The following NRXN1 variants were observed in gnomAD, a reference collection of about 807,000 sequenced individuals.
NRXN1 encodes neurexin 1.
NRXN1 carries 39 observed loss-of-function variants against 150.9 expected under a neutral mutation model. The ratio of observed to expected loss-of-function variants is 0.26; its 90% CI spans 0.20 to 0.34. The LOEUF is 0.34. NRXN1 is among the 10% of genes least tolerant of loss of function. The pLI, the probability that NRXN1 is intolerant of heterozygous loss-of-function variation, is 1.00. For synonymous variants in NRXN1, 924 were observed against 757.0 expected (o/e 1.22, Z -3.62); for missense variants, 1,815 against 1,949.9 (o/e 0.93, Z 1.30).
chr2:50,763,665 C>A (rs1460006582), intron 5 of NRXN1, among the ~76,000 whole-genome samples: 1 of 151,872 alleles, frequency 6.6e-6, no homozygotes, highest in African/African-American at 2.4e-5. Context: ...CAAAAGATTC[C>A]TCTTTCTAGC....
At position 50,538,542 on chromosome 2, in the gene NRXN1, C is replaced by T. The variant is rs2093319790; in HGVS notation, c.1854G>A (p.Leu618=). The part of the protein sequence containing the change: ...DLDDELYLGG[L]PENKAGLVFP... ...AGACAAGGCCAGCTTTATTTTCTGG[C>T]AGCCCCCCCAGGTACAACTCATCAT... is the stretch of plus-strand genomic sequence containing the variant. The change falls in exon 10 of 23, where the codon CTG becomes CTA. Residue 618 remains leucine, a synonymous_variant. Transcript: ENST00000401669. 1.3e-6 allele frequency: 2 copies of T among 1,585,860 alleles called. No homozygotes were observed. The highest frequency in any genetic ancestry group is 1.3e-5 in the African/African-American group (1 of 74,540).
At chr2:50,115,217 GTATATATA>G (rs35673922) in intron 18 of NRXN1, among the ~76,000 whole-genome samples, 3 of 134,922 alleles carry the variant, frequency 2.2e-5, no homozygotes, top group South Asian at 2.4e-4. Flanking sequence ...TATGTTATGT[GTATATATA>G]TATATATATA....
intron 19 of NRXN1, among the ~76,000 whole-genome samples, chr2:50,085,452 A>G (rs1698645241): frequency 6.6e-6 from 1 of 152,114 alleles, no homozygotes; most frequent in Non-Finnish European, 1.5e-5. Flanking sequence ...CATTTCCCAT[A>G]TCTATACATT....
intron 21 of NRXN1, among the ~76,000 whole-genome samples, chr2:50,013,455 A>G (rs1339178015): frequency 6.6e-6 from 1 of 152,030 alleles, no homozygotes; most frequent in Admixed American, 6.6e-5. Flanking sequence ...AGAGTAAAAG[A>G]ATTGTGTTTT....
intron 18 of NRXN1, among the ~76,000 whole-genome samples, chr2:50,183,308 A>T (rs2152813679): frequency 6.6e-6 from 1 of 152,184 alleles, no homozygotes; most frequent in Admixed American, 6.6e-5. Flanking sequence ...TTATTATACC[A>T]CAGGGTTCAT....
intron 18 of NRXN1, among the ~76,000 whole-genome samples, chr2:50,211,125 G>C (rs542606059): frequency 6.6e-6 from 1 of 151,480 alleles, no homozygotes; most frequent in South Asian, 2.1e-4. Context: ...CTAGATTCAA[G>C]GGAAACTTTA....
At chr2:50,590,750 C>T (rs969596870) in intron 8 of NRXN1, among the ~76,000 whole-genome samples, 9 of 152,110 alleles carry the variant, frequency 5.9e-5, no homozygotes, top group Admixed American at 2.0e-4. Flanking sequence ...AGAAAATGGG[C>T]CCTCACCAGA....
intron 2 of NRXN1, among the ~76,000 whole-genome samples, chr2:51,008,354 T>C (rs2105163451): frequency 6.6e-6 from 1 of 152,062 alleles, no homozygotes; most frequent in Admixed American, 6.6e-5. Context: ...GTGGCGATGG[T>C]GAAGGCAGAT....
At chr2:50,264,912 C>G (rs886322344) in intron 17 of NRXN1, among the ~76,000 whole-genome samples, 1 of 152,096 alleles carries the variant, frequency 6.6e-6, no homozygotes, top group African/African-American at 2.4e-5. Context: ...TGACTAATCA[C>G]ATGTGAAATT....
At chr2:50,619,373 A>C (rs2104228696) in intron 8 of NRXN1, 1 of 152,294 alleles carries the variant, frequency 6.6e-6, no homozygotes, top group African/African-American at 2.4e-5. Context: ...TTCTCTCCCC[A>C]AAACCCAACA....
intron 19 of NRXN1, among the ~76,000 whole-genome samples, chr2:50,073,327 A>G (rs1696582669): frequency 6.6e-6 from 1 of 152,226 alleles, no homozygotes; most frequent in Admixed American, 6.5e-5. Flanking sequence ...TATCCCTAGC[A>G]TAAGTCCAGA....
rs2066992962 is a variant in NRXN1 at position 50,250,982 on chromosome 2, TA to T, written c.3365-14013del. On this transcript the variant is annotated intron_variant, in intron 17 of 22. Transcript: ENST00000401669. ...ATAAATTTATTACACATTGCATATG[TA>T]ATAAATTTATTACACATTGCATATG... is the stretch of plus-strand genomic sequence containing the variant. 1.8e-4 allele frequency among the ~76,000 whole-genome samples: 26 copies of T among 147,864 alleles called. No homozygotes were observed. In the South Asian group the frequency reaches 5.6e-3, roughly 32 times the overall value.
chr2:50,945,419 G>A (rs974707980), intron 2 of NRXN1, among the ~76,000 whole-genome samples: 3 of 151,992 alleles, frequency 2.0e-5, no homozygotes, highest in Non-Finnish European at 4.4e-5. Context: ...AGCTGAGATC[G>A]TGCCAGTGAT....
chr2:50,724,248 A>G (rs1422636073), intron 5 of NRXN1, among the ~76,000 whole-genome samples: 1 of 152,172 alleles, frequency 6.6e-6, no homozygotes, highest in African/African-American at 2.4e-5. Flanking sequence ...ATACAGTACT[A>G]TATAAGGTGC....
chr2:50,724,122 C>A (rs886851104), intron 5 of NRXN1, among the ~76,000 whole-genome samples: 1 of 152,132 alleles, frequency 6.6e-6, no homozygotes, highest in African/African-American at 2.4e-5. Context: ...ATAAGATCCT[C>A]TAGGGTGACA....
chr2:50,375,771 AAGTC>A (rs754720497), intron 17 of NRXN1, among the ~76,000 whole-genome samples: 8 of 151,908 alleles, frequency 5.3e-5, no homozygotes, highest in African/African-American at 1.5e-4. Context: ...TCATAATAAA[AAGTC>A]AGAAAACAAA....
At chr2:49,969,465 T>C (rs929138832) in intron 21 of NRXN1, among the ~76,000 whole-genome samples, 5 of 152,204 alleles carry the variant, frequency 3.3e-5, no homozygotes, top group East Asian at 3.9e-4. Context: ...CAAAATTCTA[T>C]GTAAAAGGTT....
At chr2:50,598,073 A>C (rs1256983903) in intron 8 of NRXN1, among the ~76,000 whole-genome samples, 2 of 151,812 alleles carry the variant, frequency 1.3e-5, no homozygotes, top group Non-Finnish European at 2.9e-5. Flanking sequence ...CGGGAGGAGG[A>C]GGTTGCAGTG....
intron 17 of NRXN1, among the ~76,000 whole-genome samples, chr2:50,374,773 T>C (rs1439811532): frequency 6.6e-6 from 1 of 152,220 alleles, no homozygotes; most frequent in African/African-American, 2.4e-5. Flanking sequence ...TATTTTAAAG[T>C]TATATTTTCA....
Sources: gnomAD v4.1 joint callset for allele counts (sites outside exome capture counted in the v4.1 genomes callset) on GRCh38, gnomAD v4.1.1 for gene constraint, MANE v1.5 for transcripts, NCBI Gene and HGNC (gene_info 2026-07-23, HGNC 2026-07-21) for gene names.